CA10: variants seen among roughly 807,000 people sequenced by gnomAD.
CA10 encodes the protein carbonic anhydrase 10 (inactive), also known as carbonic anhydrase-related protein 10.
In CA10, 14 loss-of-function variants were observed where a neutral mutation model predicts 44.2. The ratio of observed to expected loss-of-function variants is 0.32; its 90% confidence interval spans 0.21 to 0.50. The LOEUF (loss-of-function observed/expected upper bound fraction) is 0.50, where lower values mean the gene tolerates loss of function less well. CA10 is among the 20% of genes least tolerant of loss of function. CA10 has a pLI of 0.99. For missense variants in CA10, 350 were observed against 409.7 expected, an observed-to-expected ratio of 0.85 and a Z score of 1.26; for synonymous variants, 159 against 141.6, an observed-to-expected ratio of 1.12 and a Z score of -0.87.
intron 3 of CA10, among the ~76,000 whole-genome samples, chr17:51,912,077 C>T (rs555483572): frequency 9.1e-4 from 139 of 152,096 alleles, no homozygotes; most frequent in Non-Finnish European, 1.8e-3. Flanking sequence ...AAATCTAGCA[C>T]CTATTTCACC....
intron 3 of CA10, among the ~76,000 whole-genome samples, chr17:51,811,605 G>T (rs1234103344): frequency 2.0e-5 from 3 of 152,152 alleles, no homozygotes; most frequent in African/African-American, 7.2e-5. Flanking sequence ...TCCCTGAAAA[G>T]GACATGAACT....
chr17:52,115,476 C>T (rs1395153974), intron 1 of CA10, among the ~76,000 whole-genome samples: 2 of 152,182 alleles, frequency 1.3e-5, no homozygotes, highest in Non-Finnish European at 2.9e-5. Context: ...TGAGACTTGC[C>T]TTGTCACTCT....
intron 4 of CA10, among the ~76,000 whole-genome samples, chr17:51,741,984 T>C (rs1296738305): frequency 6.6e-6 from 1 of 152,230 alleles, no homozygotes. Flanking sequence ...TCAGTTTCTC[T>C]CTTTTTAATA....
At chr17:51,681,314 T>C (rs2143391066) in intron 4 of CA10, among the ~76,000 whole-genome samples, 1 of 152,366 alleles carries the variant, frequency 6.6e-6, no homozygotes, top group Admixed American at 6.5e-5. Flanking sequence ...TCCATCTCTC[T>C]TTGCTTCAAT....
At chr17:51,722,929 AT>A (rs1567817424) in intron 4 of CA10, among the ~76,000 whole-genome samples, 2 of 152,160 alleles carry the variant, frequency 1.3e-5, no homozygotes, top group Non-Finnish European at 2.9e-5. Context: ...TGGTTATATC[AT>A]CTAGGCCCCC....
At chr17:52,076,371 T>C (rs1987819838) in intron 1 of CA10, among the ~76,000 whole-genome samples, 1 of 152,190 alleles carries the variant, frequency 6.6e-6, no homozygotes, top group South Asian at 2.1e-4. Flanking sequence ...TCACATCCAT[T>C]CAGAAGCAGA....
intron 2 of CA10, among the ~76,000 whole-genome samples, chr17:52,052,509 C>T (rs1429250845): frequency 6.6e-6 from 1 of 151,836 alleles, no homozygotes; most frequent in Non-Finnish European, 1.5e-5. Flanking sequence ...CATGTTATTA[C>T]AGAAAAGATA....
intron 4 of CA10, among the ~76,000 whole-genome samples, chr17:51,681,532 C>T (rs1914845298): frequency 6.6e-6 from 1 of 152,116 alleles, no homozygotes; most frequent in South Asian, 2.1e-4. Flanking sequence ...CTAGTAGTAT[C>T]CCTGGCCTCT....
At chr17:51,991,834 G>T (rs80028538) in intron 2 of CA10, among the ~76,000 whole-genome samples, 1 of 151,956 alleles carries the variant, frequency 6.6e-6, no homozygotes, top group Non-Finnish European at 1.5e-5. Context: ...AATGCCTTTT[G>T]TTGATGCTAG....
intron 3 of CA10, among the ~76,000 whole-genome samples, chr17:51,885,199 T>C (rs1164390482): frequency 5.3e-5 from 8 of 152,208 alleles, no homozygotes; most frequent in African/African-American, 1.9e-4. Context: ...CCCAGAGTTT[T>C]GTCTGATTTT....
At chr17:51,994,827 T>C (rs1985172471) in intron 2 of CA10, among the ~76,000 whole-genome samples, 1 of 129,994 alleles carries the variant, frequency 7.7e-6, no homozygotes, top group Admixed American at 9.0e-5. Context: ...TATTTTATGA[T>C]ATTAGACCCT....
chr17:52,155,443 C>T (rs1002709737), intron 1 of CA10, among the ~76,000 whole-genome samples: 1 of 152,128 alleles, frequency 6.6e-6, no homozygotes, highest in Non-Finnish European at 1.5e-5. Flanking sequence ...ATTTCCTATA[C>T]ATCCTAAGGC....
chr17:51,642,347 A>G (rs1913123137), intron 6 of CA10, among the ~76,000 whole-genome samples: 1 of 152,212 alleles, frequency 6.6e-6, no homozygotes, highest in African/African-American at 2.4e-5. Flanking sequence ...GTCACATTTA[A>G]CACCACGTCC....
At chr17:51,863,994 C>A (rs1979431493) in intron 3 of CA10, among the ~76,000 whole-genome samples, 1 of 152,132 alleles carries the variant, frequency 6.6e-6, no homozygotes, top group East Asian at 1.9e-4. Flanking sequence ...CTTTCCTTTC[C>A]CCATGGGTTA....
At chr17:51,944,776 A>G (rs1391554599) in intron 2 of CA10, among the ~76,000 whole-genome samples, 1 of 152,196 alleles carries the variant, frequency 6.6e-6, no homozygotes, top group Non-Finnish European at 1.5e-5. Context: ...AGCTATTTAC[A>G]ATGAGGAGGT....
intron 4 of CA10, among the ~76,000 whole-genome samples, chr17:51,696,350 A>G (rs1293126114): frequency 1.3e-5 from 2 of 152,112 alleles, no homozygotes; most frequent in African/African-American, 4.8e-5. Flanking sequence ...GGAACTTAAT[A>G]TTGGTCTGTT....
At chr17:52,102,473 C>T (rs576678446) in intron 1 of CA10, among the ~76,000 whole-genome samples, 4 of 152,190 alleles carry the variant, frequency 2.6e-5, no homozygotes, top group Non-Finnish European at 5.9e-5. Flanking sequence ...ACAAGTGGAA[C>T]TTAACTTGAG....
At chr17:52,018,503 G>T (rs1389631465) in intron 2 of CA10, among the ~76,000 whole-genome samples, 2 of 152,112 alleles carry the variant, frequency 1.3e-5, no homozygotes, top group Non-Finnish European at 2.9e-5. Flanking sequence ...TTTCAGACTT[G>T]CATGGGGCTT....
At chr17:52,053,691 A>G (rs1987141935) in intron 2 of CA10, among the ~76,000 whole-genome samples, 1 of 152,046 alleles carries the variant, frequency 6.6e-6, no homozygotes, top group Non-Finnish European at 1.5e-5. Context: ...GAAAGGATAC[A>G]TGTTGCGGGA....
Sources: allele counts gnomAD v4.1 joint callset (sites outside exome capture counted in the v4.1 genomes callset), GRCh38; gene constraint gnomAD v4.1.1; transcripts MANE v1.5; gene names NCBI Gene and HGNC (gene_info 2026-07-23, HGNC 2026-07-21).